Variants in CTNNA2 observed in about 807,000 individuals in gnomAD.
The protein encoded by CTNNA2 is catenin alpha 2, also known as catenin alpha-2.
Under a neutral mutation model 101.0 loss-of-function variants are expected in CTNNA2, and 42 were observed. That is an observed-to-expected ratio of 0.42 (90% confidence interval 0.32 to 0.54). The LOEUF is 0.54. Among genes scored for constraint, CTNNA2 ranks in the 20% least tolerant of loss-of-function variants. The probability of loss-of-function intolerance (pLI) is 0.14; values close to 1 mark genes in which losing one functional copy is unlikely to be tolerated. For missense variants in CTNNA2, 871 were observed against 1,223.1 expected, an observed-to-expected ratio of 0.71 and a Z score of 4.29; for synonymous variants, 450 against 456.4, an observed-to-expected ratio of 0.99 and a Z score of 0.18.
At chr2:79,511,034 T>C (rs1438337408), upstream of CTNNA2, among the ~76,000 whole-genome samples, 2 of 152,228 alleles carry the variant, frequency 1.3e-5, no homozygotes, top group African/African-American at 4.8e-5. Context: ...TGGTCACTCT[T>C]TGGCCTGTAG....
At chr2:79,683,226 C>A (rs959934570) in intron 2 of CTNNA2, among the ~76,000 whole-genome samples, 2 of 152,192 alleles carry the variant, frequency 1.3e-5, no homozygotes, top group African/African-American at 4.8e-5. Flanking sequence ...GGTTAATGGG[C>A]CCTGCTTTGA....
At chr2:79,812,695 T>C (rs1054239283) in intron 3 of CTNNA2, among the ~76,000 whole-genome samples, 3 of 152,168 alleles carry the variant, frequency 2.0e-5, no homozygotes, top group Non-Finnish European at 2.9e-5. Context: ...TGTTCATATC[T>C]AGCAGTGATA....
At chr2:80,146,819 G>A (rs1428031034) in intron 7 of CTNNA2, among the ~76,000 whole-genome samples, 1 of 135,322 alleles carries the variant, frequency 7.4e-6, no homozygotes, top group Admixed American at 8.4e-5. Flanking sequence ...CTGCCTACCA[G>A]GTTCAAGTGA....
intron 6 of CTNNA2, among the ~76,000 whole-genome samples, chr2:79,892,154 C>T (rs1216588893): frequency 2.6e-5 from 4 of 151,922 alleles, no homozygotes; most frequent in Non-Finnish European, 5.9e-5. Flanking sequence ...TTTTTACATC[C>T]ATATATATAC....
At chr2:80,277,553 G>GAAAAAAAAAAAAAAAAAAAAAAAAA (rs10650278) in intron 7 of CTNNA2, among the ~76,000 whole-genome samples, 3 of 83,828 alleles carry the variant, frequency 3.6e-5, no homozygotes, top group African/African-American at 1.4e-4. Context: ...AAGGATTTCT[G>GAAAAAAAAAAAAAAAAAAAAAAAAA]AAAAAAAAAA....
chr2:80,008,900 T>C (rs1022480636), intron 7 of CTNNA2, among the ~76,000 whole-genome samples: 2 of 152,194 alleles, frequency 1.3e-5, no homozygotes, highest in Non-Finnish European at 2.9e-5. Context: ...CTATCAACTT[T>C]TGTGCAGAAC....
intron 8 of CTNNA2, among the ~76,000 whole-genome samples, chr2:80,395,780 G>A (rs1013588134): frequency 3.3e-5 from 5 of 152,172 alleles, no homozygotes; most frequent in African/African-American, 1.2e-4. Flanking sequence ...GATTCTAAAA[G>A]AGATCCCTCA....
At position 79,462,849 on chromosome 2, in the gene CTNNA2, G is replaced by A. The variant is rs138199673; in HGVS notation, c.-134-42205G>A. Among the ~76,000 whole-genome samples, 4 of 152,150 alleles carry A rather than the reference G, an allele frequency of 2.6e-5. No homozygotes were observed. The East Asian group carries it at 7.7e-4, about 29-fold the overall frequency. Reference sequence around the variant, plus strand: ...ATACAGATAGAGTACATGCTGCCCTGTGTTGTTATTTTGTCTATGGTTGGA... The same window carrying A: ...ATACAGATAGAGTACATGCTGCCCTATGTTGTTATTTTGTCTATGGTTGGA... On this transcript the variant is annotated intron_variant, in intron 4 of 21. Coordinates refer to the CTNNA2 transcript ENST00000466387.
chr2:79,937,377 A>T (rs75639043), intron 7 of CTNNA2, among the ~76,000 whole-genome samples: 1,995 of 152,350 alleles, frequency 0.013, 29 homozygotes, highest in South Asian at 0.028. Context: ...AGATGGGGCC[A>T]GTCTACGTGA....
intron 1 of CTNNA2, among the ~76,000 whole-genome samples, chr2:79,632,603 T>C (rs1679765182): frequency 6.6e-6 from 1 of 152,214 alleles, no homozygotes; most frequent in Non-Finnish European, 1.5e-5. Context: ...TGTTATGGGT[T>C]ATTATATTGA....
intron 1 of CTNNA2, among the ~76,000 whole-genome samples, chr2:79,523,528 C>T (rs1672234528): frequency 6.6e-6 from 1 of 151,916 alleles, no homozygotes; most frequent in Admixed American, 6.6e-5. Flanking sequence ...TTTGTTTGTG[C>T]TATTATGCTA....
At chr2:79,729,678 T>G (rs558827130) in intron 2 of CTNNA2, among the ~76,000 whole-genome samples, 2 of 152,222 alleles carry the variant, frequency 1.3e-5, no homozygotes, top group African/African-American at 4.8e-5. Context: ...CATTTCCCCT[T>G]TAAGTCATCA....
At chr2:79,391,980 T>C (rs1489213168) in intron 4 of CTNNA2, among the ~76,000 whole-genome samples, 2 of 152,290 alleles carry the variant, frequency 1.3e-5, no homozygotes, top group East Asian at 1.9e-4. Context: ...CTGGTGTCTC[T>C]GTGTGTGTCC....
At chr2:79,982,220 A>ATATATATG (rs1691347141) in intron 7 of CTNNA2, among the ~76,000 whole-genome samples, 1 of 41,846 alleles carries the variant, frequency 2.4e-5, no homozygotes, top group Non-Finnish European at 7.0e-5. Context: ...ATATATATAT[A>ATATATATG]TATATATATA....
At chr2:79,646,524 C>CTTTTT (rs67454188) in intron 1 of CTNNA2, among the ~76,000 whole-genome samples, 46 of 106,134 alleles carry the variant, frequency 4.3e-4, no homozygotes, top group East Asian at 6.2e-4. Context: ...TTCTTTCTGT[C>CTTTTT]TTTTTTTTTT....
At chr2:79,695,989 G>A (rs1000444855) in intron 2 of CTNNA2, among the ~76,000 whole-genome samples, 1 of 151,976 alleles carries the variant, frequency 6.6e-6, no homozygotes, top group Non-Finnish European at 1.5e-5. Flanking sequence ...TGCCAGGATG[G>A]TGTGGCTACC....
intron 3 of CTNNA2, among the ~76,000 whole-genome samples, chr2:79,838,079 C>G (rs2103824600): frequency 6.6e-6 from 1 of 152,056 alleles, no homozygotes; most frequent in Middle Eastern, 3.4e-3. Flanking sequence ...GAGATTGATT[C>G]CATTTAATAG....
intron 2 of CTNNA2, among the ~76,000 whole-genome samples, chr2:79,261,954 A>G (rs1674928070): frequency 6.6e-6 from 1 of 152,198 alleles, no homozygotes; most frequent in Non-Finnish European, 1.5e-5. Context: ...TACAATGAAA[A>G]AGGGGAGGCC....
At chr2:79,806,875 A>G (rs1259401828) in intron 3 of CTNNA2, among the ~76,000 whole-genome samples, 1 of 152,102 alleles carries the variant, frequency 6.6e-6, no homozygotes. Context: ...GGTCTGATCA[A>G]GCTAAATGCC....
Sources: allele counts gnomAD v4.1 joint callset (sites outside exome capture counted in the v4.1 genomes callset), GRCh38; gene constraint gnomAD v4.1.1; transcripts MANE v1.5; gene names NCBI Gene and HGNC (gene_info 2026-07-23, HGNC 2026-07-21).